Variants in PDGFRB observed in about 807,000 individuals in gnomAD.
PDGFRB encodes the protein platelet derived growth factor receptor beta, also known as platelet-derived growth factor receptor beta.
A neutral mutation model predicts 120.2 loss-of-function variants in PDGFRB; 42 were observed. That is an observed-to-expected ratio of 0.35 (90% CI 0.27 to 0.45). The LOEUF (loss-of-function observed/expected upper bound fraction) is 0.45. Ranked by LOEUF, PDGFRB falls within the 20% of genes least tolerant of loss-of-function variation. PDGFRB has a pLI of 1.00. For missense variants in PDGFRB, 1,149 were observed against 1,476.3 expected (o/e 0.78, Z 3.63); for synonymous variants, 586 against 606.8 (o/e 0.97, Z 0.50).
chr5:150,131,894 G>C, intron 8 of PDGFRB, 85 bp downstream of exon 8: 1 of 697,898 alleles, frequency 1.4e-6, no homozygotes. Context: ...CTCCTCCCAT[G>C]GGTGGGTGGA....
intron 8 of PDGFRB, 27 bp downstream of exon 8, chr5:150,131,952 G>A (rs1464367981): frequency 1.7e-6 from 2 of 1,159,686 alleles, no homozygotes; most frequent in Non-Finnish European, 2.6e-6. Context: ...GAAGGAGCAG[G>A]GACATGGCGA....
intron 1 of PDGFRB, among the ~76,000 whole-genome samples, chr5:150,151,944 ATTTT>A (rs539474323): frequency 6.9e-6 from 1 of 145,884 alleles, no homozygotes; most frequent in African/African-American, 2.6e-5. Flanking sequence ...TTATTTATTT[ATTTT>A]TTTTGAGACA....
In PDGFRB at chr5:150,132,074, A is replaced by AGT. The variant is rs1404788828; in HGVS notation, c.1146_1147dup (p.Leu383HisfsTer5). On this transcript the variant is annotated frameshift_variant, in exon 8 of 23. Transcript: ENST00000261799. LOFTEE classifies it high-confidence loss of function. This position sits in a 1 kb window ranked among gnomAD's most constrained non-coding sequence, Gnocchi z 5.0. ...AGCCTCTGCCACCTTCACGCGAACC[A>AGT]GTGTCAGCTCTGACACATACCTGGG... 3.1e-6 allele frequency: 5 copies of AGT among 1,606,406 alleles called. No individual in the cohort carries two copies. The highest frequency in any genetic ancestry group is 4.3e-6 in the Non-Finnish European group (5 of 1,172,988).
chr5:150,126,707 C>T (rs1760305185), intron 10 of PDGFRB, 93 bp from the exon 11 acceptor site: 1 of 750,786 alleles, frequency 1.3e-6, no homozygotes, highest in Non-Finnish European at 2.4e-6. Context: ...CCGTACACAT[C>T]CTGTCCAGAA....
At chr5:150,141,792 C>T (rs150121833) in intron 1 of PDGFRB, among the ~76,000 whole-genome samples, 8 of 152,092 alleles carry the variant, frequency 5.3e-5, no homozygotes, top group East Asian at 1.9e-4. Flanking sequence ...GCTGAGGGGA[C>T]GATGCCATTT....
chr5:150,113,881 TA>T lies in PDGFRB; in HGVS notation c.*1881del, dbSNP rs1344379507. 2.6e-5 allele frequency: 6 copies of T among 230,290 alleles called. No individual in the cohort carries two copies. Among genetic ancestry groups the T allele is most frequent in the East Asian group, 6.2e-5 (1 of 16,226 alleles). 14.3% of individuals were successfully genotyped at this position (230,290 alleles called of 1,614,324 possible). ...AGGTTTAATATTAAAATCTTTCCCT[TA>T]AAAAAAAGTACACAGATAGAAAAAC... is the stretch of plus-strand genomic sequence containing the variant. On this transcript the variant is annotated 3_prime_UTR_variant, in exon 23 of 23. Coordinates refer to ENST00000261799, the MANE Select transcript of PDGFRB (RefSeq NM_002609.4).
chr5:150,139,262 T>A (rs1471125550), intron 1 of PDGFRB, among the ~76,000 whole-genome samples: 1 of 151,934 alleles, frequency 6.6e-6, no homozygotes, highest in East Asian at 1.9e-4. Flanking sequence ...GTAGGGAGGT[T>A]GTAGGCACCC....
At chr5:150,150,213 C>T (rs542471006) in intron 1 of PDGFRB, among the ~76,000 whole-genome samples, 12 of 152,184 alleles carry the variant, frequency 7.9e-5, no homozygotes, top group Admixed American at 2.0e-4. Flanking sequence ...AAAGACCCAG[C>T]ACCTGTGGTG....
At chr5:150,124,920 C>A in intron 12 of PDGFRB, 89 bp from the exon 13 acceptor site, 1 of 635,662 alleles carries the variant, frequency 1.6e-6, no homozygotes, top group Non-Finnish European at 2.8e-6. Flanking sequence ...CCCCTACCCC[C>A]GGCCGCTATC....
At chr5:150,130,020 G>A (rs1273123479) in intron 9 of PDGFRB, 52 bp from the exon 10 acceptor site, 1 of 1,371,306 alleles carries the variant, frequency 7.3e-7, no homozygotes, top group South Asian at 1.2e-5. Flanking sequence ...CTTGCAGACA[G>A]GGAAACTGAG....
chr5:150,114,394 G>A lies in PDGFRB; in HGVS notation c.*1369C>T, dbSNP rs898144410. On this transcript the variant is annotated 3_prime_UTR_variant, in exon 23 of 23. Coordinates refer to ENST00000261799, the MANE Select transcript of PDGFRB (RefSeq NM_002609.4). ...CCTCACTGTCCATTCTGTCTTCGAC[G>A]CAGACCTCGGCACAGGTGCTGGAGT... The A allele has an allele frequency of 2.1e-5, 5 of 233,054 alleles. No homozygotes were observed. Among genetic ancestry groups the A allele is most frequent in the Non-Finnish European group, 3.4e-5 (4 of 117,958 alleles). 14.4% of individuals were successfully genotyped at this position (233,054 alleles called of 1,614,324 possible).
Position 150,133,779 on chromosome 5 carries a change from C to T in PDGFRB, c.760-19G>A, listed in dbSNP as rs776602750. 1.2e-6 allele frequency: 2 copies of T among 1,613,080 alleles called. No homozygotes were observed. Among genetic ancestry groups the T allele is most frequent in the Non-Finnish European group, 1.7e-6 (2 of 1,179,126 alleles). On this transcript the variant is annotated intron_variant, in intron 5 of 22. Coordinates refer to ENST00000261799, the MANE Select transcript of PDGFRB (RefSeq NM_002609.4). ...GCCCACTCTGCAGCAACAGGTTGGG[C>T]AGGCCCCCCAAATCAGGAGGGGCCG...
intron 1 of PDGFRB, chr5:150,154,086 G>C (rs539343057): frequency 4.6e-5 from 7 of 152,288 alleles, no homozygotes; most frequent in African/African-American, 1.7e-4. Context: ...CACCAACAGG[G>C]GAGGGCCAAG....
chr5:150,135,502 C>T (rs1760596956), intron 3 of PDGFRB, 53 bp downstream of exon 3: 2 of 1,114,448 alleles, frequency 1.8e-6, no homozygotes, highest in Non-Finnish European at 2.6e-6. Context: ...TCCCCTGATG[C>T]CTCCAGTTGA....
At chr5:150,142,427 C>T (rs573018391) in intron 1 of PDGFRB, among the ~76,000 whole-genome samples, 1 of 152,300 alleles carries the variant, frequency 6.6e-6, no homozygotes, top group African/African-American at 2.4e-5. Context: ...CAGGGATTGG[C>T]GACTGAGACT....
At chr5:150,154,866 G>T (rs922593718) in intron 1 of PDGFRB, among the ~76,000 whole-genome samples, 42 of 152,302 alleles carry the variant, frequency 2.8e-4, no homozygotes, top group African/African-American at 8.4e-4. Context: ...AGCTGCTGGG[G>T]GTTTAGAAGG....
intron 12 of PDGFRB, 43 bp downstream of exon 12, chr5:150,125,402 A>G: frequency 6.4e-7 from 1 of 1,574,498 alleles, no homozygotes; most frequent in East Asian, 2.3e-5. Flanking sequence ...TTCCCACCCA[A>G]CTTGAGTCCC....
intron 11 of PDGFRB, among the ~76,000 whole-genome samples, 170 bp downstream of exon 11, chr5:150,126,350 G>A (rs1467571180): frequency 6.6e-6 from 1 of 152,152 alleles, no homozygotes; most frequent in Non-Finnish European, 1.5e-5. Context: ...GGCCCAGACT[G>A]CTGGGGGTGG....
chr5:150,138,117 G>C (rs1296551774), intron 1 of PDGFRB, among the ~76,000 whole-genome samples: 1 of 152,228 alleles, frequency 6.6e-6, no homozygotes. Context: ...AGACCACCAG[G>C]AGCCAAGTAT....
Sources: allele counts gnomAD v4.1 joint callset (sites outside exome capture counted in the v4.1 genomes callset), GRCh38; gene constraint gnomAD v4.1.1; non-coding constraint Gnocchi (gnomAD v3.1); transcripts MANE v1.5; gene names NCBI Gene and HGNC (gene_info 2026-07-23, HGNC 2026-07-21).